COL15A1: variants seen among roughly 807,000 people sequenced by gnomAD.
COL15A1 encodes collagen alpha-1(XV) chain.
COL15A1 carries 111 observed loss-of-function variants against 165.9 expected under a neutral mutation model. The observed-to-expected ratio is 0.67, with a 90% CI of 0.57 to 0.78. COL15A1 has a LOEUF of 0.78. Among genes scored for constraint, COL15A1 ranks in the 30% least tolerant of loss-of-function variants. COL15A1 has a pLI of 0.00. For synonymous variants in COL15A1, 659 were observed against 674.8 expected (o/e 0.98, Z 0.36); for missense variants, 1,745 against 1,789.7 (o/e 0.98, Z 0.45).
intron 2 of COL15A1, among the ~76,000 whole-genome samples, chr9:98,981,457 CA>C (rs956078953): frequency 1.4e-5 from 2 of 147,816 alleles, no homozygotes; most frequent in African/African-American, 2.5e-5. Context: ...GACTCTGTCT[CA>C]AAAAAAAAGA....
At chr9:99,047,871 G>T (rs201547786) in intron 27 of COL15A1, 32 bp downstream of exon 27, 7 of 1,612,912 alleles carry the variant, frequency 4.3e-6, no homozygotes, top group Admixed American at 3.3e-5. Flanking sequence ...ACAGGCTGGA[G>T]GGGGAGGACA....
intron 5 of COL15A1, among the ~76,000 whole-genome samples, chr9:98,995,776 T>TA (rs1838532535): frequency 6.6e-6 from 1 of 152,264 alleles, no homozygotes; most frequent in Admixed American, 6.5e-5. Context: ...CATCTGTACT[T>TA]ACAGTGTTTT....
At chr9:99,053,635 A>T (rs924334087) in intron 31 of COL15A1, among the ~76,000 whole-genome samples, 12 of 152,214 alleles carry the variant, frequency 7.9e-5, no homozygotes, top group African/African-American at 2.9e-4. Flanking sequence ...TGGGTGAAGG[A>T]GGCCCCATGG....
chr9:99,024,511 C>T, intron 14 of COL15A1, among the ~76,000 whole-genome samples: 1 of 152,024 alleles, frequency 6.6e-6, no homozygotes, highest in Non-Finnish European at 1.5e-5. Flanking sequence ...GTCTTGATCT[C>T]CTGACCTTGT....
At chr9:99,016,662 T>C (rs1438063938) in intron 11 of COL15A1, among the ~76,000 whole-genome samples, 1 of 152,252 alleles carries the variant, frequency 6.6e-6, no homozygotes, top group Non-Finnish European at 1.5e-5. Flanking sequence ...CCTAGGGTTG[T>C]CACCACTTAA....
intron 26 of COL15A1, among the ~76,000 whole-genome samples, chr9:99,045,538 C>T (rs138124925): frequency 6.6e-6 from 1 of 152,266 alleles, no homozygotes; most frequent in Non-Finnish European, 1.5e-5. Context: ...GAACCCTAAA[C>T]TTACTTCCCT....
chr9:98,996,680 G>A (rs137954955), intron 5 of COL15A1, among the ~76,000 whole-genome samples: 5 of 152,294 alleles, frequency 3.3e-5, no homozygotes, highest in African/African-American at 7.2e-5. Context: ...TGTGGTCCCT[G>A]TGCTCAGAGA....
At chr9:99,049,108 C>T (rs921733109) in intron 28 of COL15A1, among the ~76,000 whole-genome samples, 1 of 152,206 alleles carries the variant, frequency 6.6e-6, no homozygotes, top group Non-Finnish European at 1.5e-5. Context: ...CTCTTCATGC[C>T]TGCCCTCAGA....
In COL15A1 at chr9:99,005,012, T is replaced by C; in HGVS notation, c.1315T>C (p.Ser439Pro). 8.1e-6 allele frequency: 13 copies of C among 1,613,172 alleles called. No homozygotes were observed. The highest frequency in any genetic ancestry group is 1.1e-5 in the Non-Finnish European group (13 of 1,179,526). ...TGTGGCCCCCGGGGAGCTGGACCTC[T>C]CCATGTCCGCCCAGAGCCTCGGGGA... ...SGVAPGELDLSMSAQSLGEEA... is the reference protein window; with the variant it reads ...SGVAPGELDLPMSAQSLGEEA... The change falls in exon 9 of 42, where the codon TCC (serine) becomes CCC (proline). Residue 439 changes from serine to proline, a missense_variant. By Grantham distance (74) the Ser-to-Pro change is moderately conservative. Coordinates refer to ENST00000375001, the MANE Select transcript of COL15A1 (RefSeq NM_001855.5).
chr9:99,019,643 G>T (rs1458519524), intron 11 of COL15A1, among the ~76,000 whole-genome samples: 5 of 151,386 alleles, frequency 3.3e-5, no homozygotes, highest in African/African-American at 1.2e-4. Context: ...AGTATAGCTT[G>T]CCTGGCTCTG....
At chr9:99,034,310 C>G (rs1404189136) in intron 16 of COL15A1, among the ~76,000 whole-genome samples, 1 of 152,208 alleles carries the variant, frequency 6.6e-6, no homozygotes, top group Non-Finnish European at 1.5e-5. Context: ...CTCTGGTTTA[C>G]TCTTGCAGTA....
At chr9:99,054,291 G>A (rs889655712) in intron 31 of COL15A1, among the ~76,000 whole-genome samples, 20 of 152,168 alleles carry the variant, frequency 1.3e-4, no homozygotes, top group African/African-American at 3.9e-4. Context: ...CTGCACTCAC[G>A]GGATGCGCTG....
At chr9:98,979,425 T>A (rs1336912392) in intron 2 of COL15A1, among the ~76,000 whole-genome samples, 1 of 152,224 alleles carries the variant, frequency 6.6e-6, no homozygotes, top group Non-Finnish European at 1.5e-5. Flanking sequence ...CCCTTCGTAA[T>A]CTTAACTCAT....
intron 16 of COL15A1, among the ~76,000 whole-genome samples, chr9:99,033,305 G>A (rs1346174829): frequency 6.6e-6 from 1 of 152,130 alleles, no homozygotes; most frequent in Non-Finnish European, 1.5e-5. Context: ...AGTCATCTGG[G>A]GCTCTGCCCT....
chr9:99,044,513 G>C (rs1839462651), intron 24 of COL15A1, 55 bp from the exon 25 acceptor site: 2 of 1,546,584 alleles, frequency 1.3e-6, no homozygotes, highest in East Asian at 4.5e-5. Context: ...AAAACTCTCT[G>C]GACAAGGTGG....
intron 39 of COL15A1, 141 bp downstream of exon 39, chr9:99,063,250 A>C: frequency 9.3e-7 from 1 of 1,080,232 alleles, no homozygotes; most frequent in Non-Finnish European, 1.2e-6. Context: ...GAGAATTACA[A>C]TACAGTGTGG....
chr9:99,002,049 G>A (rs530584219), intron 7 of COL15A1, among the ~76,000 whole-genome samples: 2 of 151,804 alleles, frequency 1.3e-5, no homozygotes, highest in Admixed American at 6.6e-5. Context: ...ACAACTGCAG[G>A]ACAAATACCC....
chr9:98,994,497 C>T (rs575865510), intron 5 of COL15A1, among the ~76,000 whole-genome samples: 3 of 152,280 alleles, frequency 2.0e-5, no homozygotes, highest in South Asian at 4.1e-4. Flanking sequence ...GCCCCCTCCT[C>T]GCACTTGGCT....
intron 16 of COL15A1, among the ~76,000 whole-genome samples, chr9:99,033,846 C>T (rs1039588280): frequency 6.6e-6 from 1 of 152,132 alleles, no homozygotes; most frequent in Non-Finnish European, 1.5e-5. Flanking sequence ...CTGGGGGCCC[C>T]CTACCACAGT....
Sources: gnomAD v4.1 joint callset for allele counts (sites outside exome capture counted in the v4.1 genomes callset) on GRCh38, gnomAD v4.1.1 for gene constraint, MANE v1.5 for transcripts, NCBI Gene and HGNC (gene_info 2026-07-23, HGNC 2026-07-21) for gene names.